NELL1: variants seen among roughly 807,000 people sequenced by gnomAD.
NELL1 encodes neural EGFL like 1.
A neutral mutation model predicts 107.4 loss-of-function variants in NELL1; 76 were observed. The observed-to-expected ratio is 0.71, with a 90% CI of 0.59 to 0.86. The LOEUF is 0.86. Ranked by LOEUF, NELL1 falls within the 40% of genes least tolerant of loss-of-function variation. The pLI is 0.00. For missense variants in NELL1, 1,024 were observed against 1,005.5 expected, an observed-to-expected ratio of 1.02 and a Z score of -0.25; for synonymous variants, 353 against 341.2, an observed-to-expected ratio of 1.03 and a Z score of -0.38.
intron 12 of NELL1, among the ~76,000 whole-genome samples, chr11:21,089,501 C>A (rs1057266277): frequency 6.6e-6 from 1 of 152,130 alleles, no homozygotes; most frequent in African/African-American, 2.4e-5. Context: ...AACAAACCCC[C>A]CTCAGTAGGA....
At chr11:21,352,087 T>C (rs1850831258) in intron 14 of NELL1, among the ~76,000 whole-genome samples, 1 of 152,116 alleles carries the variant, frequency 6.6e-6, no homozygotes, top group African/African-American at 2.4e-5. Context: ...TCTAGAGTAC[T>C]CATCACCACA....
intron 3 of NELL1, among the ~76,000 whole-genome samples, chr11:20,846,995 A>G (rs1339989439): frequency 6.6e-6 from 1 of 152,164 alleles, no homozygotes; most frequent in African/African-American, 2.4e-5. Context: ...TTAATTGCAT[A>G]TTTCATTCTC....
intron 3 of NELL1, among the ~76,000 whole-genome samples, chr11:20,804,754 C>T (rs1334782990): frequency 1.3e-5 from 2 of 152,164 alleles, no homozygotes; most frequent in African/African-American, 4.8e-5. Context: ...CATATGTATT[C>T]TGCAGCCTTT....
intron 2 of NELL1, 56 bp from the exon 3 acceptor site, chr11:20,783,624 C>T: frequency 7.6e-7 from 1 of 1,309,548 alleles, no homozygotes; most frequent in Non-Finnish European, 1.1e-6. Flanking sequence ...TTCTCTACTC[C>T]TTCTCCTTCC....
intron 14 of NELL1, among the ~76,000 whole-genome samples, chr11:21,359,371 T>G (rs1851019801): frequency 6.6e-6 from 1 of 152,216 alleles, no homozygotes; most frequent in Non-Finnish European, 1.5e-5. Context: ...TGCTGTTGGA[T>G]TCTGTTAGCT....
chr11:21,252,636 T>C (rs1208752599), intron 14 of NELL1, among the ~76,000 whole-genome samples: 1 of 152,158 alleles, frequency 6.6e-6, no homozygotes, highest in Non-Finnish European at 1.5e-5. Context: ...GTAATGAATT[T>C]ATAATTGGGA....
intron 12 of NELL1, among the ~76,000 whole-genome samples, chr11:21,033,430 C>G (rs1454210751): frequency 6.6e-6 from 1 of 152,154 alleles, no homozygotes. Context: ...TAGTTACCCT[C>G]TATGTGTCCA....
intron 13 of NELL1, among the ~76,000 whole-genome samples, chr11:21,133,751 G>C (rs549012782): frequency 6.7e-6 from 1 of 150,092 alleles, no homozygotes; most frequent in African/African-American, 2.4e-5. Context: ...GGGGGTGGGG[G>C]ATGGGCTTTG....
intron 12 of NELL1, among the ~76,000 whole-genome samples, chr11:20,968,232 T>G (rs550389771): frequency 1.5e-3 from 236 of 152,322 alleles, no homozygotes; most frequent in African/African-American, 5.4e-3. Context: ...TGTTTAAAGT[T>G]TTATTATCTG....
intron 13 of NELL1, among the ~76,000 whole-genome samples, chr11:21,213,617 C>T (rs1347263527): frequency 5.3e-5 from 8 of 152,114 alleles, no homozygotes; most frequent in African/African-American, 1.9e-4. Context: ...ATATTCAAGA[C>T]AGCGTAGTAT....
At chr11:21,160,010 G>A (rs1227862192) in intron 13 of NELL1, among the ~76,000 whole-genome samples, 3 of 152,174 alleles carry the variant, frequency 2.0e-5, no homozygotes, top group Non-Finnish European at 2.9e-5. Context: ...TTCCCCAGGC[G>A]CCTCTTGTCC....
intron 13 of NELL1, among the ~76,000 whole-genome samples, chr11:21,224,367 C>T (rs1264308710): frequency 6.6e-6 from 1 of 151,554 alleles, no homozygotes; most frequent in African/African-American, 2.4e-5. Flanking sequence ...GAAGTTATGA[C>T]CACAGTTGTA....
intron 3 of NELL1, among the ~76,000 whole-genome samples, chr11:20,843,830 G>A (rs2134052918): frequency 6.6e-6 from 1 of 152,082 alleles, no homozygotes; most frequent in East Asian, 1.9e-4. Context: ...AAGGAATTCA[G>A]ATAGTCTCAT....
At chr11:20,994,372 A>G (rs1310026580) in intron 12 of NELL1, among the ~76,000 whole-genome samples, 1 of 152,246 alleles carries the variant, frequency 6.6e-6, no homozygotes. Flanking sequence ...TAACAGTTAG[A>G]AATATCTGTA....
chr11:21,094,851 T>C (rs1160860502), intron 12 of NELL1, among the ~76,000 whole-genome samples: 1 of 152,228 alleles, frequency 6.6e-6, no homozygotes, highest in East Asian at 1.9e-4. Context: ...AAGGGGTTGC[T>C]GTGAAGACTT....
intron 14 of NELL1, among the ~76,000 whole-genome samples, chr11:21,280,611 T>C (rs1848970432): frequency 1.3e-5 from 2 of 152,028 alleles, no homozygotes; most frequent in Non-Finnish European, 2.9e-5. Flanking sequence ...GGCTGAACTT[T>C]AGTAACACCA....
rs551393495 is a variant in NELL1 at position 20,834,580 on chromosome 11, G to T, written c.336-13003G>T. On this transcript the variant is annotated intron_variant, in intron 3 of 19. Transcript: ENST00000357134. ...TAGCTGGGTGTGGTGGCGGGCACCTGTAGTCCCAGCTACTAGGGAGGCTGA... is the reference window on the plus strand; with the variant it reads ...TAGCTGGGTGTGGTGGCGGGCACCTTTAGTCCCAGCTACTAGGGAGGCTGA... 2.4e-3 allele frequency among the ~76,000 whole-genome samples: 362 copies of T among 152,164 alleles called. 1 individual carries two copies. Among genetic ancestry groups the T allele is most frequent in the African/African-American group, 8.5e-3 (352 of 41,510 alleles).
intron 5 of NELL1, among the ~76,000 whole-genome samples, chr11:20,909,745 C>T (rs10833411): frequency 0.6 from 91,331 of 151,974 alleles, 32,792 homozygotes; most frequent in Non-Finnish European, 0.81. Flanking sequence ...ACTCTTTTTA[C>T]AGTTCCTTGA....
At chr11:21,149,479 T>C (rs1485221948) in intron 13 of NELL1, among the ~76,000 whole-genome samples, 1 of 152,216 alleles carries the variant, frequency 6.6e-6, no homozygotes, top group Non-Finnish European at 1.5e-5. Flanking sequence ...GAAACTCCCA[T>C]TTATGAAACC....
Sources: gnomAD v4.1 joint callset for allele counts (sites outside exome capture counted in the v4.1 genomes callset) on GRCh38, gnomAD v4.1.1 for gene constraint, MANE v1.5 for transcripts, NCBI Gene and HGNC (gene_info 2026-07-23, HGNC 2026-07-21) for gene names.